Variants in SKP1 observed in about 807,000 individuals in gnomAD.
SKP1 encodes the protein S-phase kinase-associated protein 1.
Under a neutral mutation model 21.5 loss-of-function variants are expected in SKP1, and 1 was observed. That is an observed-to-expected ratio of 0.05 (90% CI 0.02 to 0.22). The LOEUF (loss-of-function observed/expected upper bound fraction) is 0.22. Ranked by LOEUF, SKP1 falls within the 10% of genes least tolerant of loss-of-function variation. The pLI is 1.00. For synonymous variants in SKP1, 59 were observed against 59.3 expected (o/e 0.99, Z 0.03); for missense variants, 70 against 192.0 (o/e 0.36, Z 3.76).
chr5:134,167,903 TGA>T (rs1761364016), intron 2 of SKP1, among the ~76,000 whole-genome samples: 1 of 152,208 alleles, frequency 6.6e-6, no homozygotes, highest in South Asian at 2.1e-4. Context: ...ATAAGGGACT[TGA>T]GTATTGGTGG....
At chr5:134,171,463 TA>T (rs1761439057) in intron 2 of SKP1, among the ~76,000 whole-genome samples, 1 of 152,142 alleles carries the variant, frequency 6.6e-6, no homozygotes, top group African/African-American at 2.4e-5. Context: ...ACCCAATATA[TA>T]AAACAAGTCT....
At chr5:134,159,837 G>A (rs532317074) in intron 4 of SKP1, among the ~76,000 whole-genome samples, 33 of 151,790 alleles carry the variant, frequency 2.2e-4, no homozygotes, top group South Asian at 2.1e-3. Flanking sequence ...GTGAGCCACC[G>A]CGCCCGGCCT....
chr5:134,170,466 C>G (rs905185017), intron 2 of SKP1, among the ~76,000 whole-genome samples: 1 of 152,196 alleles, frequency 6.6e-6, no homozygotes, highest in African/African-American at 2.4e-5. Context: ...ACTAATCATT[C>G]AATCCACATG....
intron 3 of SKP1, among the ~76,000 whole-genome samples, chr5:134,164,218 C>A (rs1406767948): frequency 6.6e-6 from 1 of 151,008 alleles, no homozygotes; most frequent in Non-Finnish European, 1.5e-5. Flanking sequence ...GCTACTGAGG[C>A]TGAAGCAGGA....
At position 134,151,458 on chromosome 5, in the gene SKP1, T is replaced by TA. The variant is rs1761041740; in HGVS notation, c.*6274dup. On this transcript the variant is annotated 3_prime_UTR_variant, in exon 6 of 6. Coordinates refer to ENST00000353411, the MANE Select transcript of SKP1 (RefSeq NM_170679.3). ...CTGCAAAGCAACTGAAGAAGGCAGT[T>TA]AGAGGTTGTGAAATGGTACATTCAG... 1.7e-5 allele frequency: 5 copies of TA among 290,310 alleles called. No individual in the cohort carries two copies. Among genetic ancestry groups the TA allele is most frequent in the Non-Finnish European group, 3.5e-5 (5 of 142,112 alleles). The allele number at this position is 290,310 out of a possible 1,614,324, so 18.0% of individuals were successfully genotyped here.
chr5:134,158,121 CTAGTA>C, intron 5 of SKP1: 1 of 1,384,470 alleles, frequency 7.2e-7, no homozygotes, highest in Non-Finnish European at 9.4e-7. Context: ...CTAAAGTACC[CTAGTA>C]TATACTTCTC....
chr5:134,175,957 G>A (rs764598034), intron 1 of SKP1, among the ~76,000 whole-genome samples: 18 of 152,138 alleles, frequency 1.2e-4, no homozygotes, highest in East Asian at 1.9e-4. Context: ...TGCGCTTTAA[G>A]TGACCCGAAA....
chr5:134,159,117 A>C (rs537641445), intron 4 of SKP1, among the ~76,000 whole-genome samples: 12 of 152,278 alleles, frequency 7.9e-5, no homozygotes, highest in African/African-American at 2.6e-4. Context: ...CACCGATTTG[A>C]AACTTTTCTT....
chr5:134,164,141 T>C (rs968305214), intron 3 of SKP1, among the ~76,000 whole-genome samples: 1 of 151,770 alleles, frequency 6.6e-6, no homozygotes, highest in Non-Finnish European at 1.5e-5. Flanking sequence ...GCCAACATGG[T>C]GAAACCCCAT....
At position 134,161,150 on chromosome 5, in the gene SKP1, T is replaced by C. The variant is rs775940553; in HGVS notation, c.172-20A>G. Reference sequence around the variant, plus strand: ...AATGACCTACAACAACAAAAGTTCATTCCTCTGTGGCACTTTGTCACAAGG... The same window carrying C: ...AATGACCTACAACAACAAAAGTTCACTCCTCTGTGGCACTTTGTCACAAGG... On this transcript the variant is annotated intron_variant, in intron 3 of 5. Coordinates refer to ENST00000353411, the MANE Select transcript of SKP1 (RefSeq NM_170679.3). 1 of 1,577,250 alleles carries C rather than the reference T, an allele frequency of 6.3e-7. No individual in the cohort carries two copies. Among genetic ancestry groups the C allele is most frequent in the African/African-American group, 1.4e-5 (1 of 74,056 alleles).
rs1466234369 is a variant in SKP1 at position 134,149,294 on chromosome 5, G to A, written c.*8439C>T. ...TCCATTCCGTATCCATATACCATGT[G>A]TACTCACTGTTTAGCTCCCTACAAC... On this transcript the variant is annotated 3_prime_UTR_variant, in exon 6 of 6. Transcript: ENST00000353411. 3 of 152,214 alleles carry A rather than the reference G, an allele frequency of 2.0e-5. No individual in the cohort carries two copies. In the East Asian group the frequency reaches 5.8e-4, roughly 29 times the overall value. 9.4% of individuals were successfully genotyped at this position (152,214 alleles called of 1,614,324 possible).
intron 2 of SKP1, chr5:134,173,485 T>A (rs977819497): frequency 3.0e-6 from 1 of 333,718 alleles, no homozygotes; most frequent in African/African-American, 2.2e-5. Context: ...TGAGACTCTG[T>A]CTCAAATAAA....
chr5:134,168,298 T>C (rs1409526294), intron 2 of SKP1, among the ~76,000 whole-genome samples: 4 of 152,134 alleles, frequency 2.6e-5, no homozygotes, highest in African/African-American at 9.7e-5. Context: ...TTACAGGTAA[T>C]AAAATCTCAA....
chr5:134,176,665 G>C lies in SKP1; in HGVS notation c.-1+190C>G, dbSNP rs1450779938. On this transcript the variant is annotated intron_variant, in intron 1 of 5. Coordinates refer to ENST00000353411, the MANE Select transcript of SKP1 (RefSeq NM_170679.3). Reference sequence around the variant, plus strand: ...CCAGAGGAGGCCTCGCTGAGTCGGGGGCGGGGCAGGTGAACGGAACCTGGT... The same window carrying C: ...CCAGAGGAGGCCTCGCTGAGTCGGGCGCGGGGCAGGTGAACGGAACCTGGT... 2.6e-5 allele frequency: 4 copies of C among 152,610 alleles called. No homozygotes were observed. In the East Asian group the frequency reaches 5.8e-4, roughly 22 times the overall value. The allele number at this position is 152,610 out of a possible 1,614,324, so 9.5% of individuals were successfully genotyped here.
intron 2 of SKP1, among the ~76,000 whole-genome samples, chr5:134,169,598 C>T (rs1761400555): frequency 6.6e-6 from 1 of 152,250 alleles, no homozygotes; most frequent in Non-Finnish European, 1.5e-5. Flanking sequence ...GGTGCAGTGG[C>T]TCACGCATGT....
intron 4 of SKP1, among the ~76,000 whole-genome samples, chr5:134,160,727 C>G (rs1761204763): frequency 6.6e-6 from 1 of 152,174 alleles, no homozygotes; most frequent in South Asian, 2.1e-4. Context: ...TTCTTTAAAC[C>G]TAGTTCTGTC....
chr5:134,170,250 C>A (rs1309435935), intron 2 of SKP1, among the ~76,000 whole-genome samples: 2 of 152,102 alleles, frequency 1.3e-5, no homozygotes, highest in East Asian at 1.9e-4. Context: ...TTTGTAAAGA[C>A]AGGGTCCTGC....
At chr5:134,173,762 A>G in intron 2 of SKP1, 164 bp downstream of exon 2, 1 of 696,896 alleles carries the variant, frequency 1.4e-6, no homozygotes. Flanking sequence ...TGCAGAAAGG[A>G]TGACCTGTAT....
At chr5:134,161,799 C>T (rs1308220518) in intron 3 of SKP1, 1 of 152,062 alleles carries the variant, frequency 6.6e-6, no homozygotes, top group Admixed American at 6.5e-5. Flanking sequence ...CAGGAAAAGC[C>T]CCAAAATTTC....
Sources: allele counts gnomAD v4.1 joint callset (sites outside exome capture counted in the v4.1 genomes callset), GRCh38; gene constraint gnomAD v4.1.1; transcripts MANE v1.5; gene names NCBI Gene and HGNC (gene_info 2026-07-23, HGNC 2026-07-21).